Variants in AMBRA1 observed in about 807,000 individuals in gnomAD.
AMBRA1 encodes activating molecule in BECN1-regulated autophagy protein 1.
Under a neutral mutation model 125.4 loss-of-function variants are expected in AMBRA1, and 47 were observed. The ratio of observed to expected loss-of-function variants is 0.37; its 90% CI spans 0.30 to 0.48. The LOEUF is 0.48. Ranked by LOEUF, AMBRA1 falls within the 20% of genes least tolerant of loss-of-function variation. AMBRA1 has a pLI of 0.99. For missense variants in AMBRA1, 1,331 were observed against 1,693.4 expected (o/e 0.79, Z 3.76); for synonymous variants, 626 against 655.5 (o/e 0.95, Z 0.69).
chr11:46,581,103 C>T (rs1260170798), intron 1 of AMBRA1, among the ~76,000 whole-genome samples: 4 of 151,798 alleles, frequency 2.6e-5, no homozygotes, highest in East Asian at 1.9e-4. Flanking sequence ...CCCAGAGTAA[C>T]GTTTTAAAAT....
intron 12 of AMBRA1, among the ~76,000 whole-genome samples, chr11:46,442,822 T>C (rs913068472): frequency 6.6e-6 from 1 of 152,038 alleles, no homozygotes; most frequent in Middle Eastern, 3.2e-3. Context: ...GATAGAAAAA[T>C]TTCAGCTTCA....
chr11:46,566,596 G>A (rs543040548), intron 1 of AMBRA1, among the ~76,000 whole-genome samples: 10 of 152,186 alleles, frequency 6.6e-5, no homozygotes, highest in Admixed American at 2.0e-4. Flanking sequence ...CGGGACCCGG[G>A]GGGTGAGGAT....
intron 11 of AMBRA1, among the ~76,000 whole-genome samples, chr11:46,478,389 C>T (rs1949908475): frequency 6.6e-6 from 1 of 152,178 alleles, no homozygotes; most frequent in Non-Finnish European, 1.5e-5. Flanking sequence ...AGTCTTACTC[C>T]TACACAGAAA....
At chr11:46,575,076 T>C (rs1242707653) in intron 1 of AMBRA1, among the ~76,000 whole-genome samples, 1 of 152,194 alleles carries the variant, frequency 6.6e-6, no homozygotes, top group African/African-American at 2.4e-5. Flanking sequence ...ATAGTTCAAC[T>C]AGCATAAACA....
intron 9 of AMBRA1, among the ~76,000 whole-genome samples, chr11:46,496,405 GA>G (rs1385669489): frequency 6.6e-6 from 1 of 151,936 alleles, no homozygotes; most frequent in Non-Finnish European, 1.5e-5. Context: ...ATAAAAAATA[GA>G]AAATAAAGCT....
chr11:46,417,952 T>TAGGCC lies in AMBRA1; in HGVS notation c.3072_3076dup (p.Tyr1026TrpfsTer11). ...CACCAGGTCTCCTTTGTTAGTACCA[T>TAGGCC]AGGCCAAGCCAAGCCCTGGCTCAGG... On this transcript the variant is annotated frameshift_variant, in exon 15 of 18. Coordinates refer to ENST00000683756, the MANE Select transcript of AMBRA1 (RefSeq NM_001387011.1). LOFTEE classifies it high-confidence loss of function. 6.2e-7 allele frequency: 1 copy of TAGGCC among 1,611,152 alleles called. No individual in the cohort carries two copies. The highest frequency in any genetic ancestry group is 8.5e-7 in the Non-Finnish European group (1 of 1,177,936).
intron 1 of AMBRA1, among the ~76,000 whole-genome samples, chr11:46,569,583 T>C (rs1195343056): frequency 6.6e-6 from 1 of 151,894 alleles, no homozygotes; most frequent in Non-Finnish European, 1.5e-5. Flanking sequence ...GTAGAGTCTG[T>C]GTACTATAGA....
intron 11 of AMBRA1, among the ~76,000 whole-genome samples, chr11:46,450,479 G>A (rs1159312219): frequency 6.6e-6 from 1 of 150,624 alleles, no homozygotes; most frequent in African/African-American, 2.4e-5. Context: ...TCACTCCATT[G>A]CCCAGGCTGG....
intron 1 of AMBRA1, among the ~76,000 whole-genome samples, chr11:46,553,523 G>T (rs1439814117): frequency 2.0e-5 from 3 of 151,984 alleles, no homozygotes; most frequent in Non-Finnish European, 2.9e-5. Flanking sequence ...AAGGCGGGCA[G>T]ATCACAAGGT....
intron 11 of AMBRA1, among the ~76,000 whole-genome samples, chr11:46,461,493 C>T (rs1044077966): frequency 6.6e-6 from 1 of 152,202 alleles, no homozygotes; most frequent in Admixed American, 6.5e-5. Flanking sequence ...AAGGAAAGAA[C>T]ATTTATGTGC....
rs536941553 is a variant in AMBRA1, at chr11:46,464,751, A to G, written c.2522-21153T>C. ...CCATACCCTAACTACCTCCTTTATT[A>G]AACACCGAGACAAGGCCGGGCGCAG... On this transcript the variant is annotated intron_variant, in intron 11 of 17. Coordinates refer to ENST00000683756, the MANE Select transcript of AMBRA1 (RefSeq NM_001387011.1). Among the ~76,000 whole-genome samples the G allele has an allele frequency of 5.9e-5, 9 of 152,142 alleles. No individual in the cohort carries two copies. In the South Asian group the frequency reaches 1.9e-3, roughly 32 times the overall value.
chr11:46,583,765 T>C (rs1247455271), intron 1 of AMBRA1, among the ~76,000 whole-genome samples: 3 of 140,978 alleles, frequency 2.1e-5, no homozygotes, highest in Non-Finnish European at 4.6e-5. Flanking sequence ...AAAAAACACA[T>C]GAAAAAATGC....
intron 1 of AMBRA1, among the ~76,000 whole-genome samples, chr11:46,551,866 A>G (rs1591101623): frequency 2.0e-5 from 3 of 149,822 alleles, no homozygotes; most frequent in East Asian, 2.0e-4. Context: ...CATCTCTACT[A>G]AAAATACAAA....
intron 1 of AMBRA1, among the ~76,000 whole-genome samples, chr11:46,589,149 A>G (rs774611560): frequency 6.6e-6 from 1 of 152,314 alleles, no homozygotes; most frequent in Non-Finnish European, 1.5e-5. Flanking sequence ...TACTTAATCT[A>G]TTTTCTCCTT....
At chr11:46,411,437 T>C (rs1186007249) in intron 15 of AMBRA1, among the ~76,000 whole-genome samples, 1 of 151,976 alleles carries the variant, frequency 6.6e-6, no homozygotes, top group East Asian at 1.9e-4. Context: ...CTGCCTCAGG[T>C]AAAAGGCAAC....
intron 7 of AMBRA1, among the ~76,000 whole-genome samples, chr11:46,515,212 G>A (rs1201033144): frequency 6.6e-6 from 1 of 152,172 alleles, no homozygotes; most frequent in Admixed American, 6.5e-5. Context: ...GGTGCCTCAC[G>A]CCTGTAATCC....
At position 46,405,440 on chromosome 11, in the gene AMBRA1, C is replaced by T. The variant is rs142646271; in HGVS notation, c.3403+3073G>A. ...ATCAAATCAGAAAGGGCTGCCCAGCCGGGTGCAGTGCTTCATGCCTGTAAT... is the reference window on the plus strand; with the variant it reads ...ATCAAATCAGAAAGGGCTGCCCAGCTGGGTGCAGTGCTTCATGCCTGTAAT... On this transcript the variant is annotated intron_variant, in intron 17 of 17. Coordinates refer to ENST00000683756, the MANE Select transcript of AMBRA1 (RefSeq NM_001387011.1). 6.1e-3 allele frequency among the ~76,000 whole-genome samples: 925 copies of T among 152,266 alleles called. 6 individuals are homozygous for T. The highest frequency in any genetic ancestry group is 0.021 in the South Asian group (103 of 4,828).
chr11:46,533,559 C>A (rs939454989), intron 7 of AMBRA1, among the ~76,000 whole-genome samples: 1 of 152,158 alleles, frequency 6.6e-6, no homozygotes, highest in African/African-American at 2.4e-5. Flanking sequence ...TTCATCAGCT[C>A]TTCACCCAAA....
chr11:46,579,744 G>C (rs1179552250), intron 1 of AMBRA1, among the ~76,000 whole-genome samples: 1 of 152,028 alleles, frequency 6.6e-6, no homozygotes, highest in Non-Finnish European at 1.5e-5. Flanking sequence ...ATGGATTCTT[G>C]TTCTGTCACC....
Sources: gnomAD v4.1 joint callset for allele counts (sites outside exome capture counted in the v4.1 genomes callset) on GRCh38, gnomAD v4.1.1 for gene constraint, MANE v1.5 for transcripts, NCBI Gene and HGNC (gene_info 2026-07-23, HGNC 2026-07-21) for gene names.